The following ZNF496 variants were observed in gnomAD, a reference collection of about 807,000 sequenced individuals.
The protein encoded by ZNF496 is NSD1 (nuclear receptor binding SET-domain containing 1)-interacting zinc finger protein 1.
A neutral mutation model predicts 58.9 loss-of-function variants in ZNF496; 11 were observed. That is an observed-to-expected ratio of 0.19 (90% CI 0.12 to 0.31). The LOEUF is 0.31. Ranked by LOEUF, ZNF496 falls within the 10% of genes least tolerant of loss-of-function variation. The pLI, the probability that ZNF496 is intolerant of heterozygous loss-of-function variation, is 1.00. For synonymous variants in ZNF496, 338 were observed against 318.2 expected (o/e 1.06, Z -0.66); for missense variants, 660 against 783.0 (o/e 0.84, Z 1.88).
At chr1:247,318,730 A>G (rs140688975) in intron 6 of ZNF496, among the ~76,000 whole-genome samples, 10 of 152,378 alleles carry the variant, frequency 6.6e-5, no homozygotes, top group Middle Eastern at 3.4e-3. Flanking sequence ...TCTTAAAAGA[A>G]TGGCTAAAGA....
In ZNF496 at chr1:247,309,981, G is replaced by T; in HGVS notation, c.785-175C>A. 1 of 1,342,268 alleles carries T rather than the reference G, an allele frequency of 7.5e-7. No individual in the cohort carries two copies. Among genetic ancestry groups the T allele is most frequent in the Non-Finnish European group, 9.9e-7 (1 of 1,012,870 alleles). 83.1% of individuals were successfully genotyped at this position (1,342,268 alleles called of 1,614,324 possible). ...GGGGCAGTGGGGGCAGCACACGCAG[G>T]GAGAGCTATGGGCTTGGGGGTCTCT... On this transcript the variant is annotated intron_variant, in intron 7 of 9. Transcript: ENST00000682384. This position sits in a 1 kb window ranked among gnomAD's most constrained non-coding sequence, Gnocchi z 4.3.
Position 247,329,490 on chromosome 1 carries a change from C to G in ZNF496, c.89G>C (p.Ser30Thr), listed in dbSNP as rs143093142. 6.2e-7 allele frequency: 1 copy of G among 1,602,834 alleles called. No homozygotes were observed. The highest frequency in any genetic ancestry group is 8.5e-7 in the Non-Finnish European group (1 of 1,176,340). ...KMRSPPGENPSPQGELPSPES... is the reference protein window; with the variant it reads ...KMRSPPGENPTPQGELPSPES... ...GGGGCTGGGAAGCTCCCCCTGGGGG[C>G]TAGGGTTCTCTCCAGGTGGGCTCCT... Residue 30 changes from serine (S) to threonine (T), a missense_variant, in exon 4 of 10, where the codon AGC becomes ACC. Ser to Thr is a moderately conservative substitution (Grantham distance 58). Transcript: ENST00000682384. The surrounding 1 kb of genome is among the most constrained non-coding windows in gnomAD (Gnocchi z 5.5).
rs778466446 is a variant in ZNF496 at position 247,329,215 on chromosome 1, G to T, written c.364C>A (p.Arg122=). The T allele has an allele frequency of 1.1e-5, 17 of 1,613,488 alleles. No homozygotes were observed. Among genetic ancestry groups the T allele is most frequent in the Non-Finnish European group, 1.4e-5 (17 of 1,180,008 alleles). Residue 122 remains arginine (R), a synonymous_variant, in exon 4 of 10, where the codon CGG becomes AGG. Coordinates refer to ENST00000682384, the MANE Select transcript of ZNF496 (RefSeq NM_032752.3). The surrounding 1 kb of genome is among the most constrained non-coding windows in gnomAD (Gnocchi z 5.5). Reference sequence around the variant, plus strand: ...CACTGCCAGGGTCTCCCGGGCTCCCGTTCCAGTGCCTCCACCGCGGCCACA... The same window carrying T: ...CACTGCCAGGGTCTCCCGGGCTCCCTTTCCAGTGCCTCCACCGCGGCCACA... ...QAVAAVEALE[R]EPGRPWQWLK... is the part of the protein sequence containing the mutation.
chr1:247,331,793 C>T lies in ZNF496; in HGVS notation c.-373G>A, dbSNP rs1660339245. 6.7e-6 allele frequency: 1 copy of T among 148,920 alleles called. No homozygotes were observed. Among genetic ancestry groups the T allele is most frequent in the African/African-American group, 2.4e-5 (1 of 40,998 alleles). The allele number at this position is 148,920 out of a possible 1,614,324, so 9.2% of individuals were successfully genotyped here. On this transcript the variant is annotated 5_prime_UTR_variant, in exon 1 of 10. Coordinates refer to ENST00000682384, the MANE Select transcript of ZNF496 (RefSeq NM_032752.3). ...GCGGGAGCCGGGGTGCACTCACCGC[C>T]GCGGCGCGTCCCTGTTGGCGGGCGG...
Position 247,308,116 on chromosome 1 carries a change from AAGG to A in ZNF496, c.1006+356_1006+358del. ...ACCCTCCCCGGCCCCTGGGAAAGGCAAGGAGGGTGAGCCTGGGATTGGGAGTGA... is the reference window on the plus strand; with the variant it reads ...ACCCTCCCCGGCCCCTGGGAAAGGCAAGGGTGAGCCTGGGATTGGGAGTGA... On this transcript the variant is annotated intron_variant, in intron 9 of 9. Transcript: ENST00000682384. This position sits in a 1 kb window ranked among gnomAD's most constrained non-coding sequence, Gnocchi z 4.5. The A allele has an allele frequency of 1.4e-6, 1 of 722,690 alleles. No individual in the cohort carries two copies. The highest frequency in any genetic ancestry group is 1.7e-6 in the Non-Finnish European group (1 of 589,782). 44.8% of individuals were successfully genotyped at this position (722,690 alleles called of 1,614,324 possible).
Position 247,308,665 on chromosome 1 carries a change from A to T in ZNF496, c.893-77T>A. ...ACCTGGGAGGGTGCTATCCGAATAGATGCCAGGCTACGATCTGGGGGCGGC... is the reference window on the plus strand; with the variant it reads ...ACCTGGGAGGGTGCTATCCGAATAGTTGCCAGGCTACGATCTGGGGGCGGC... On this transcript the variant is annotated intron_variant, in intron 8 of 9. Transcript: ENST00000682384. The surrounding 1 kb of genome is among the most constrained non-coding windows in gnomAD (Gnocchi z 4.5). 1 of 1,385,330 alleles carries T rather than the reference A, an allele frequency of 7.2e-7. No individual in the cohort carries two copies. The highest frequency in any genetic ancestry group is 1.0e-6 in the Non-Finnish European group (1 of 980,990). 85.8% of individuals were successfully genotyped at this position (1,385,330 alleles called of 1,614,324 possible).
chr1:247,303,276 G>A (rs1171360703), intron 9 of ZNF496, among the ~76,000 whole-genome samples: 2 of 152,202 alleles, frequency 1.3e-5, no homozygotes, highest in Non-Finnish European at 2.9e-5. Context: ...CACCAGCTCT[G>A]CTGAAGCCTT....
At chr1:247,317,460 G>A (rs1489620633) in intron 6 of ZNF496, among the ~76,000 whole-genome samples, 1 of 152,162 alleles carries the variant, frequency 6.6e-6, no homozygotes, top group Non-Finnish European at 1.5e-5. Context: ...GGGGAGCCTA[G>A]ACTTCCACCC....
Position 247,308,091 on chromosome 1 carries a change from A to G in ZNF496, c.1006+384T>C, listed in dbSNP as rs921476126. The G allele has an allele frequency of 3.3e-6, 3 of 902,432 alleles. No homozygotes were observed. The African/African-American group carries it at 5.4e-5, about 16-fold the overall frequency. The allele number at this position is 902,432 out of a possible 1,614,324, so 55.9% of individuals were successfully genotyped here. A position where few individuals can be genotyped will look rare whatever the true frequency, so the allele number is the denominator to read the frequency against. On this transcript the variant is annotated intron_variant, in intron 9 of 9. Coordinates refer to ENST00000682384, the MANE Select transcript of ZNF496 (RefSeq NM_032752.3). This position sits in a 1 kb window ranked among gnomAD's most constrained non-coding sequence, Gnocchi z 4.5. Reference sequence around the variant, plus strand: ...CTACAGCAGCACCCTGCTTTGACACACCCTCCCCGGCCCCTGGGAAAGGCA... The same window carrying G: ...CTACAGCAGCACCCTGCTTTGACACGCCCTCCCCGGCCCCTGGGAAAGGCA...
chr1:247,331,035 G>A (rs1022005295), intron 2 of ZNF496, among the ~76,000 whole-genome samples: 1 of 152,162 alleles, frequency 6.6e-6, no homozygotes, highest in Non-Finnish European at 1.5e-5. Context: ...CCCGGGGTGG[G>A]CCCCGCCCGC....
rs144996628 is a variant in ZNF496 at position 247,328,829 on chromosome 1, C to T, written c.428G>A (p.Gly143Glu). The T allele has an allele frequency of 3.9e-5, 62 of 1,609,862 alleles. No individual in the cohort carries two copies. In the African/African-American group the frequency reaches 5.4e-4, roughly 14 times the overall value. The change falls in exon 5 of 10, where the codon GGG becomes GAG. Residue 143 changes from glycine to glutamate, a missense_variant. By Grantham distance (98) the Gly-to-Glu change is moderately conservative. Transcript: ENST00000682384. ...CTGCTCCTGGTCCAGAGGGCTGTCC[C>T]CATCATCAATCACCACAGGGTCTTC... ...HCEDPVVIDD[G>E]DSPLDQEQEQ...
intron 6 of ZNF496, among the ~76,000 whole-genome samples, chr1:247,320,262 T>C (rs761250460): frequency 2.0e-5 from 3 of 152,190 alleles, no homozygotes; most frequent in East Asian, 1.9e-4. Flanking sequence ...AAACGAACTG[T>C]TGGACTTCCA....
intron 9 of ZNF496, among the ~76,000 whole-genome samples, chr1:247,301,557 C>T (rs1231864723): frequency 6.6e-6 from 1 of 152,122 alleles, no homozygotes; most frequent in African/African-American, 2.4e-5. Flanking sequence ...CTTTTGTTCT[C>T]TACCCACGGA....
At chr1:247,315,426 A>G (rs1331478631) in intron 6 of ZNF496, among the ~76,000 whole-genome samples, 1 of 152,198 alleles carries the variant, frequency 6.6e-6, no homozygotes, top group Non-Finnish European at 1.5e-5. Flanking sequence ...TTGAGAACCC[A>G]AGGAGGAAGT....
chr1:247,303,627 G>T (rs944458139), intron 9 of ZNF496, among the ~76,000 whole-genome samples: 10 of 152,222 alleles, frequency 6.6e-5, no homozygotes, highest in Non-Finnish European at 1.2e-4. Flanking sequence ...TGTGGAAACA[G>T]AAATTGTAAG....
intron 5 of ZNF496, among the ~76,000 whole-genome samples, chr1:247,326,782 C>T (rs999061102): frequency 6.6e-6 from 1 of 152,098 alleles, no homozygotes; most frequent in Non-Finnish European, 1.5e-5. Context: ...GGGCCCTAAT[C>T]CAATAGGACT....
At chr1:247,324,110 T>C (rs1660043686) in intron 5 of ZNF496, among the ~76,000 whole-genome samples, 1 of 149,962 alleles carries the variant, frequency 6.7e-6, no homozygotes, top group African/African-American at 2.4e-5. Flanking sequence ...TAAGGGCTGT[T>C]GGCAATCAGA....
In ZNF496 at chr1:247,301,079, A is replaced by G. The variant is rs1558435044; in HGVS notation, c.1204T>C (p.Ser402Pro). The change falls in exon 10 of 10, where the codon TCC becomes CCC. Residue 402 changes from serine (S) to proline (P), a missense_variant. Physicochemically the swap from Ser to Pro is moderately conservative, Grantham distance 74. Transcript: ENST00000682384. The stretch of plus-strand genomic sequence containing the variant: ...TTCGGACACACGTAGGACTTCTTGG[A>G]GGTCTGCACCTCGCCTCCGGCCTCG... The part of the protein sequence containing the change: ...STEAGGEVQT[S>P]KKSYVCPNCG... 1 of 1,613,546 alleles carries G rather than the reference A, an allele frequency of 6.2e-7. No individual in the cohort carries two copies. Among genetic ancestry groups the G allele is most frequent in the African/African-American group, 1.3e-5 (1 of 74,900 alleles).
chr1:247,308,422 GAC>G lies in ZNF496; in HGVS notation c.1006+51_1006+52del. ...CACACATGCATACATACATTCATGC[GAC>G]ACACCACAGACACACAGGGACAAAC... On this transcript the variant is annotated intron_variant, in intron 9 of 9. Transcript: ENST00000682384. This position sits in a 1 kb window ranked among gnomAD's most constrained non-coding sequence, Gnocchi z 4.5. 1 of 1,518,892 alleles carries G rather than the reference GAC, an allele frequency of 6.6e-7. No homozygotes were observed. Among genetic ancestry groups the G allele is most frequent in the East Asian group, 2.3e-5 (1 of 44,406 alleles). 94.1% of individuals were successfully genotyped at this position (1,518,892 alleles called of 1,614,324 possible). A position where few individuals can be genotyped will look rare whatever the true frequency, so the allele number is the denominator to read the frequency against.
Sources: gnomAD v4.1 joint callset for allele counts (sites outside exome capture counted in the v4.1 genomes callset) on GRCh38, gnomAD v4.1.1 for gene constraint, Gnocchi (gnomAD v3.1) non-coding constraint, MANE v1.5 for transcripts, NCBI Gene and HGNC (gene_info 2026-07-23, HGNC 2026-07-21) for gene names.